Variants in FMNL2 observed in about 807,000 individuals in gnomAD.
FMNL2 encodes the protein formin like 2.
In FMNL2, 51 loss-of-function variants were observed where a neutral mutation model predicts 130.2. That is an observed-to-expected ratio of 0.39 (90% confidence interval 0.31 to 0.49). The LOEUF is 0.49. Among genes scored for constraint, FMNL2 ranks in the 20% least tolerant of loss-of-function variants. FMNL2 has a pLI of 0.85. For synonymous variants in FMNL2, 465 were observed against 467.1 expected, an observed-to-expected ratio of 1.00 and a Z score of 0.06; for missense variants, 977 against 1,316.2, an observed-to-expected ratio of 0.74 and a Z score of 3.99.
chr2:152,448,089 CA>C (rs1688446720), intron 1 of FMNL2, among the ~76,000 whole-genome samples: 1 of 151,988 alleles, frequency 6.6e-6, no homozygotes, highest in Non-Finnish European at 1.5e-5. Context: ...TGAGTTTCCA[CA>C]TGTTTTCTCC....
intron 1 of FMNL2, among the ~76,000 whole-genome samples, chr2:152,403,420 T>G (rs1290076137): frequency 2.0e-5 from 3 of 152,200 alleles, no homozygotes; most frequent in Non-Finnish European, 4.4e-5. Flanking sequence ...ATTCAGTCAT[T>G]TGTATCAGTG....
rs544100820 is a variant in FMNL2, at chr2:152,619,984, C to A, written c.1837+266C>A. The stretch of plus-strand genomic sequence containing the variant: ...TCTTCCTGCCTTCCACTGGCCCCAC[C>A]GAGAGAATGGAAGAGAGACAAGCTA... On this transcript the variant is annotated intron_variant, in intron 15 of 25. Transcript: ENST00000288670. Among the ~76,000 whole-genome samples, 37 of 152,150 alleles carry A rather than the reference C, an allele frequency of 2.4e-4. No individual in the cohort carries two copies. The East Asian group carries it at 6.0e-3, about 25-fold the overall frequency.
chr2:152,557,115 C>A (rs1292847893), intron 4 of FMNL2, among the ~76,000 whole-genome samples: 3 of 152,082 alleles, frequency 2.0e-5, no homozygotes, highest in Non-Finnish European at 4.4e-5. Context: ...CTTCTAATTA[C>A]TAGTATTTAA....
intron 6 of FMNL2, among the ~76,000 whole-genome samples, chr2:152,567,958 CA>C (rs1695948107): frequency 6.6e-6 from 1 of 152,134 alleles, no homozygotes; most frequent in African/African-American, 2.4e-5. Context: ...ATGGAAGCTC[CA>C]TAGAAGGCTT....
intron 1 of FMNL2, among the ~76,000 whole-genome samples, chr2:152,511,646 G>T (rs1207450139): frequency 6.6e-6 from 1 of 152,128 alleles, no homozygotes; most frequent in African/African-American, 2.4e-5. Context: ...TGTAACCTGG[G>T]CCAAGCTTGA....
At chr2:152,508,017 C>T (rs190055542) in intron 1 of FMNL2, among the ~76,000 whole-genome samples, 1 of 152,136 alleles carries the variant, frequency 6.6e-6, no homozygotes, top group East Asian at 1.9e-4. Flanking sequence ...TTTGATAAAT[C>T]GTATTCACTT....
chr2:152,348,561 A>G (rs1297345218), intron 1 of FMNL2, among the ~76,000 whole-genome samples: 1 of 152,220 alleles, frequency 6.6e-6, no homozygotes, highest in Admixed American at 6.5e-5. Flanking sequence ...ACACTTGGTC[A>G]TAGATTCTTA....
chr2:152,543,115 C>T (rs10165830), intron 3 of FMNL2, among the ~76,000 whole-genome samples: 60,487 of 152,088 alleles, frequency 0.4, 12,127 homozygotes, highest in East Asian at 0.54. Context: ...GTATTCAGGC[C>T]CCTAGAAGAG....
intron 1 of FMNL2, among the ~76,000 whole-genome samples, chr2:152,385,246 G>T (rs985411204): frequency 4.6e-5 from 7 of 152,254 alleles, no homozygotes; most frequent in African/African-American, 1.7e-4. Flanking sequence ...TGGGGATGAA[G>T]TGATTTGTTC....
chr2:152,491,612 G>T (rs1213785670), intron 1 of FMNL2, among the ~76,000 whole-genome samples: 3 of 152,162 alleles, frequency 2.0e-5, no homozygotes, highest in African/African-American at 7.2e-5. Context: ...ATTGCATAGT[G>T]TATTTTATCT....
Position 152,364,948 on chromosome 2 carries a change from G to C in FMNL2, c.117+29228G>C, listed in dbSNP as rs115576200. 2.7e-3 allele frequency among the ~76,000 whole-genome samples: 405 copies of C among 152,332 alleles called. 1 individual carries two copies. Among genetic ancestry groups the C allele is most frequent in the African/African-American group, 9.5e-3 (395 of 41,564 alleles). ...TCGGAAAATTGAGATATAACATGAA[G>C]TAAAAGTATTTTTGAAGTCTTTTCA... On this transcript the variant is annotated intron_variant, in intron 1 of 25. Coordinates refer to ENST00000288670, the MANE Select transcript of FMNL2 (RefSeq NM_052905.4).
intron 12 of FMNL2, among the ~76,000 whole-genome samples, chr2:152,616,498 T>G (rs1162153811): frequency 6.6e-6 from 1 of 151,936 alleles, no homozygotes. Flanking sequence ...ACCTGGCTAA[T>G]TTTTGTATTT....
At chr2:152,550,727 T>C (rs1166759174) in intron 4 of FMNL2, among the ~76,000 whole-genome samples, 1 of 152,212 alleles carries the variant, frequency 6.6e-6, no homozygotes, top group African/African-American at 2.4e-5. Context: ...AAATACTTTC[T>C]AATATTTATG....
chr2:152,610,815 C>T lies in FMNL2; in HGVS notation c.952-680C>T, dbSNP rs919262736. Among the ~76,000 whole-genome samples, 6 of 152,164 alleles carry T rather than the reference C, an allele frequency of 3.9e-5. 1 individual carries two copies. In the South Asian group the frequency reaches 6.2e-4, roughly 16 times the overall value. ...TTAACTGTATATCTAGAAGCGGAATCGCTGGGTCATATGATAATGCTGTGT... is the reference window on the plus strand; with the variant it reads ...TTAACTGTATATCTAGAAGCGGAATTGCTGGGTCATATGATAATGCTGTGT... On this transcript the variant is annotated intron_variant, in intron 10 of 25. Transcript: ENST00000288670.
At chr2:152,381,140 T>C (rs1362971461) in intron 1 of FMNL2, among the ~76,000 whole-genome samples, 1 of 152,234 alleles carries the variant, frequency 6.6e-6, no homozygotes, top group African/African-American at 2.4e-5. Flanking sequence ...ACATATTTGT[T>C]ATCAGAGTTT....
intron 1 of FMNL2, among the ~76,000 whole-genome samples, chr2:152,514,592 C>T (rs1005939005): frequency 6.6e-6 from 1 of 152,094 alleles, no homozygotes; most frequent in Non-Finnish European, 1.5e-5. Context: ...ATATCTGGAA[C>T]CTTAAATAGT....
At chr2:152,436,110 A>G (rs1462115320) in intron 1 of FMNL2, among the ~76,000 whole-genome samples, 1 of 152,010 alleles carries the variant, frequency 6.6e-6, no homozygotes, top group African/African-American at 2.4e-5. Flanking sequence ...CGGTATTGCA[A>G]TCCCGTGCTT....
At chr2:152,608,467 T>C (rs765685835) in intron 10 of FMNL2, among the ~76,000 whole-genome samples, 3 of 149,616 alleles carry the variant, frequency 2.0e-5, no homozygotes, top group Non-Finnish European at 3.0e-5. Context: ...AAATCCTTTA[T>C]AGAGAAGATT....
chr2:152,412,084 A>G (rs1686318071), intron 1 of FMNL2, among the ~76,000 whole-genome samples: 1 of 152,086 alleles, frequency 6.6e-6, no homozygotes, highest in Non-Finnish European at 1.5e-5. Flanking sequence ...CATCTCCTTG[A>G]ATGCTGCTAA....
Sources: allele counts gnomAD v4.1 joint callset (sites outside exome capture counted in the v4.1 genomes callset), GRCh38; gene constraint gnomAD v4.1.1; transcripts MANE v1.5; gene names NCBI Gene and HGNC (gene_info 2026-07-23, HGNC 2026-07-21).